NUP153: variants seen among roughly 807,000 people sequenced by gnomAD.
NUP153 encodes the protein nucleoporin 153, also known as nuclear pore complex protein Nup153.
Under a neutral mutation model 134.6 loss-of-function variants are expected in NUP153, and 27 were observed. The ratio of observed to expected loss-of-function variants is 0.20; its 90% CI spans 0.15 to 0.28. The LOEUF is 0.28. NUP153 is among the 10% of genes least tolerant of loss of function. NUP153 has a pLI of 1.00. For synonymous variants in NUP153, 640 were observed against 623.5 expected (o/e 1.03, Z -0.40); for missense variants, 1,821 against 1,731.3 (o/e 1.05, Z -0.92).
intron 11 of NUP153, among the ~76,000 whole-genome samples, chr6:17,659,556 T>A (rs1385556998): frequency 1.3e-5 from 2 of 152,216 alleles, no homozygotes; most frequent in African/African-American, 4.8e-5. Context: ...CACTGCAACC[T>A]CCACCTCCAG....
rs1770520999 is a variant in NUP153, at chr6:17,706,639, G to T, written c.-252C>A. 2 of 556,056 alleles carry T rather than the reference G, an allele frequency of 3.6e-6. No homozygotes were observed. Among genetic ancestry groups the T allele is most frequent in the Non-Finnish European group, 6.4e-6 (2 of 314,562 alleles). 34.4% of individuals were successfully genotyped at this position (556,056 alleles called of 1,614,324 possible). ...AGGCTCCGGTCCGGCCGCCTCTGCG[G>T]ACCCCCGCCTCTGTGTGTGTCACGG... On this transcript the variant is annotated 5_prime_UTR_variant, in exon 1 of 22. Coordinates refer to ENST00000262077, the MANE Select transcript of NUP153 (RefSeq NM_005124.4). This position sits in a 1 kb window ranked among gnomAD's most constrained non-coding sequence, Gnocchi z 5.9.
intron 1 of NUP153, among the ~76,000 whole-genome samples, chr6:17,694,634 G>A (rs1404064949): frequency 1.3e-5 from 2 of 151,970 alleles, no homozygotes; most frequent in African/African-American, 4.8e-5. Context: ...TCCAGCCTGG[G>A]TGACAGAGCA....
At chr6:17,700,337 C>A (rs1207982210) in intron 1 of NUP153, among the ~76,000 whole-genome samples, 2 of 152,194 alleles carry the variant, frequency 1.3e-5, no homozygotes, top group Non-Finnish European at 1.5e-5. Context: ...ACCTCCACAA[C>A]AATTTTCACT....
intron 13 of NUP153, among the ~76,000 whole-genome samples, chr6:17,647,107 G>C (rs1173152908): frequency 6.6e-6 from 1 of 151,936 alleles, no homozygotes; most frequent in Non-Finnish European, 1.5e-5. Flanking sequence ...GCAACTGATG[G>C]ATTTCAGCAT....
rs1765322659 is a variant in NUP153 at position 17,632,762 on chromosome 6, C to G, written c.2547G>C (p.Lys849Asn). The G allele has an allele frequency of 6.4e-7, 1 of 1,572,826 alleles. No homozygotes were observed. Among genetic ancestry groups the G allele is most frequent in the Non-Finnish European group, 8.7e-7 (1 of 1,156,022 alleles). ...CACAGTCCCAGCTTCCCTCGGGTTT[C>G]TTGAACTTTTCCAATCCTAGAGAGC... ...SGGSLGLEKF[K>N]KPEGSWDCEL... The change falls in exon 17 of 22, where the codon AAG becomes AAC. Residue 849 changes from lysine (K) to asparagine (N), a missense_variant. Lys to Asn is a moderately conservative substitution (Grantham distance 94, BLOSUM62 0). Coordinates refer to ENST00000262077, the MANE Select transcript of NUP153 (RefSeq NM_005124.4).
At position 17,625,941 on chromosome 6, in the gene NUP153, T is replaced by G. The variant is rs772070516; in HGVS notation, c.3768A>C (p.Gln1256His). 6.2e-7 allele frequency: 1 copy of G among 1,614,140 alleles called. No homozygotes were observed. Among genetic ancestry groups the G allele is most frequent in the Non-Finnish European group, 8.5e-7 (1 of 1,180,012 alleles). The change falls in exon 19 of 22, where the codon CAA becomes CAC. Residue 1256 changes from glutamine to histidine, a missense_variant. Gln to His is a conservative substitution (Grantham distance 24). Coordinates refer to ENST00000262077, the MANE Select transcript of NUP153 (RefSeq NM_005124.4). The surrounding 1 kb of genome is among the most constrained non-coding windows in gnomAD (Gnocchi z 4.7). ...TGGATGTGGTTGCTAGTTTGCTATC[T>G]TGAGAAAATAGCAAAGACTGAGAGG... ...SSTSQSLLFS[Q>H]DSKLATTSST...
chr6:17,670,366 A>G (rs1767828081), intron 5 of NUP153, among the ~76,000 whole-genome samples: 1 of 152,128 alleles, frequency 6.6e-6, no homozygotes, highest in Admixed American at 6.5e-5. Context: ...AATACAACAG[A>G]CTTTTGTATA....
intron 18 of NUP153, among the ~76,000 whole-genome samples, chr6:17,627,627 T>A (rs1452513607): frequency 2.0e-5 from 3 of 152,072 alleles, no homozygotes; most frequent in African/African-American, 7.2e-5. Flanking sequence ...TCCCGACTAG[T>A]TGGGATTATA....
intron 2 of NUP153, among the ~76,000 whole-genome samples, chr6:17,682,250 T>A (rs1464671188): frequency 6.6e-6 from 1 of 151,932 alleles, no homozygotes; most frequent in Non-Finnish European, 1.5e-5. Flanking sequence ...TAAAAAAAAA[T>A]TGCTAACAAA....
chr6:17,632,505 A>G (rs960133546), intron 17 of NUP153, 145 bp downstream of exon 17: 8 of 597,608 alleles, frequency 1.3e-5, no homozygotes, highest in African/African-American at 1.1e-4. Flanking sequence ...AGATATAACT[A>G]AAACATCTCA....
At chr6:17,682,979 T>C (rs972662720) in intron 2 of NUP153, among the ~76,000 whole-genome samples, 8 of 151,236 alleles carry the variant, frequency 5.3e-5, no homozygotes, top group Non-Finnish European at 1.0e-4. Flanking sequence ...CAACTCCTTA[T>C]CCATTCGAGT....
At chr6:17,694,866 C>T (rs1335341193) in intron 1 of NUP153, among the ~76,000 whole-genome samples, 1 of 151,766 alleles carries the variant, frequency 6.6e-6, no homozygotes, top group Non-Finnish European at 1.5e-5. Context: ...GTAGACCCAG[C>T]TACTTGGAAG....
chr6:17,667,832 T>A (rs931231297), intron 8 of NUP153, among the ~76,000 whole-genome samples: 3 of 152,132 alleles, frequency 2.0e-5, no homozygotes, highest in Admixed American at 6.5e-5. Flanking sequence ...AAACATTGTA[T>A]TTTTTTCCCA....
chr6:17,705,781 G>A (rs1284139714), intron 1 of NUP153, among the ~76,000 whole-genome samples: 1 of 152,068 alleles, frequency 6.6e-6, no homozygotes. Context: ...CACTTTCCAT[G>A]TAACAGCGCC....
At chr6:17,703,691 A>T (rs1486380498) in intron 1 of NUP153, among the ~76,000 whole-genome samples, 1 of 151,898 alleles carries the variant, frequency 6.6e-6, no homozygotes, top group African/African-American at 2.4e-5. Context: ...TTTTGAATAT[A>T]CCTGAATACT....
rs1391576920 is a variant in NUP153 at position 17,626,125 on chromosome 6, T to C, written c.3584A>G (p.Asn1195Ser). 4 of 1,613,294 alleles carry C rather than the reference T, an allele frequency of 2.5e-6. No individual in the cohort carries two copies. Among genetic ancestry groups the C allele is most frequent in the Non-Finnish European group, 3.4e-6 (4 of 1,180,000 alleles). ...AAKPVFSFLN[N>S]SSSSSSTPAT... ...TGGTGTACTTGAACTAGAGGAACTG[T>C]TGTTCAAGAAACTAAAAACTGGCTT... is the stretch of plus-strand genomic sequence containing the variant. The change falls in exon 19 of 22, where the codon AAC (asparagine) becomes AGC (serine). Residue 1195 changes from asparagine (N) to serine (S), a missense_variant. Coordinates refer to ENST00000262077, the MANE Select transcript of NUP153 (RefSeq NM_005124.4).
At chr6:17,630,162 G>GA (rs1317970791) in intron 17 of NUP153, among the ~76,000 whole-genome samples, 1 of 152,144 alleles carries the variant, frequency 6.6e-6, no homozygotes, top group African/African-American at 2.4e-5. Context: ...AAGAAACTTT[G>GA]AAAGATTTAC....
rs762654276 is a variant in NUP153 at position 17,616,566 on chromosome 6, C to T, written c.4304G>A (p.Gly1435Asp). The change falls in exon 21 of 22, where the codon GGC (glycine) becomes GAC (aspartate). Residue 1435 changes from glycine to aspartate, a missense_variant. Transcript: ENST00000262077. ...TGCTGGAGACTGGTTAAATGGAAAG[C>T]CCCCCGAGCCTGAAGGCTGGGCTGA... ...AASAQPSGSGGFPFNQSPAAF... is the reference protein window; with the variant it reads ...AASAQPSGSGDFPFNQSPAAF... 2.9e-5 allele frequency: 46 copies of T among 1,613,682 alleles called. No homozygotes were observed. In the Admixed American group the frequency reaches 5.8e-4, roughly 20 times the overall value.
At position 17,679,531 on chromosome 6, in the gene NUP153, G is replaced by C. The variant is rs554288163; in HGVS notation, c.335-3761C>G. On this transcript the variant is annotated intron_variant, in intron 2 of 21. Coordinates refer to ENST00000262077, the MANE Select transcript of NUP153 (RefSeq NM_005124.4). ...GAAAACCCATCCTAAAATTCATATG[G>C]AATCTCAAGGAACCTCAAAATGCCA... Among the ~76,000 whole-genome samples the C allele has an allele frequency of 2.6e-5, 4 of 152,192 alleles. No individual in the cohort carries two copies. The South Asian group carries it at 8.3e-4, about 32-fold the overall frequency.
Sources: gnomAD v4.1 joint callset for allele counts (sites outside exome capture counted in the v4.1 genomes callset) on GRCh38, gnomAD v4.1.1 for gene constraint, Gnocchi (gnomAD v3.1) non-coding constraint, MANE v1.5 for transcripts, NCBI Gene and HGNC (gene_info 2026-07-23, HGNC 2026-07-21) for gene names.